SLC8A1: variants seen among roughly 807,000 people sequenced by gnomAD.
SLC8A1 encodes the protein solute carrier family 8 member A1, also known as sodium/calcium exchanger 1.
SLC8A1 carries 18 observed loss-of-function variants against 68.3 expected under a neutral mutation model. The ratio of observed to expected loss-of-function variants is 0.26; its 90% CI spans 0.18 to 0.39. The LOEUF is 0.39. SLC8A1 is among the 10% of genes least tolerant of loss of function. The probability of loss-of-function intolerance (pLI) is 1.00; values close to 1 mark genes in which losing one functional copy is unlikely to be tolerated. For synonymous variants in SLC8A1, 475 were observed against 415.5 expected, an observed-to-expected ratio of 1.14 and a Z score of -1.74; for missense variants, 985 against 1,156.7, an observed-to-expected ratio of 0.85 and a Z score of 2.15.
chr2:40,272,950 G>T (rs911334048), intron 2 of SLC8A1, among the ~76,000 whole-genome samples: 2 of 152,050 alleles, frequency 1.3e-5, no homozygotes, highest in Non-Finnish European at 2.9e-5. Flanking sequence ...ATATTCTTTT[G>T]TTTTGTTTTT....
chr2:40,139,552 C>A, exon 7 of SLC8A1: 1 of 1,614,130 alleles, frequency 6.2e-7, no homozygotes, highest in South Asian at 1.1e-5. Context: ...CCCAGCCATT[C>A]CAGTATTCAG....
intron 7 of SLC8A1, chr2:40,118,397 A>G (rs2035975843): frequency 6.6e-6 from 1 of 152,102 alleles, no homozygotes. Context: ...AGGAGAACAA[A>G]GATTGAAGAA....
intron 2 of SLC8A1, among the ~76,000 whole-genome samples, chr2:40,423,417 T>C (rs1696033192): frequency 6.6e-6 from 1 of 152,116 alleles, no homozygotes; most frequent in African/African-American, 2.4e-5. Flanking sequence ...ATATTTTTTC[T>C]ATTTCTGTTA....
chr2:40,296,397 T>C (rs1374073865), intron 2 of SLC8A1, among the ~76,000 whole-genome samples: 2 of 152,176 alleles, frequency 1.3e-5, no homozygotes, highest in African/African-American at 4.8e-5. Flanking sequence ...AGGCTGCTGC[T>C]TTAGGGCAAA....
chr2:40,374,992 G>A (rs984735546), intron 2 of SLC8A1, among the ~76,000 whole-genome samples: 6 of 152,018 alleles, frequency 3.9e-5, no homozygotes, highest in African/African-American at 1.4e-4. Context: ...GGTAATTCCA[G>A]AGTAATAAAT....
At chr2:40,250,820 A>G (rs920035968) in intron 2 of SLC8A1, 4 of 152,164 alleles carry the variant, frequency 2.6e-5, no homozygotes, top group African/African-American at 7.2e-5. Flanking sequence ...CTTTAGCACA[A>G]TATAGGTGAA....
chr2:40,337,210 A>G, intron 2 of SLC8A1: 1 of 239,346 alleles, frequency 4.2e-6, no homozygotes, highest in Non-Finnish European at 9.4e-6. Flanking sequence ...GAATGGGGGA[A>G]GTAAATACAT....
intron 2 of SLC8A1, 56 bp downstream of exon 3, chr2:40,178,331 G>A (rs992847984): frequency 1.1e-5 from 14 of 1,307,554 alleles, no homozygotes; most frequent in Non-Finnish European, 1.5e-5. Context: ...CAGGCATCCA[G>A]GGGTGGCACA....
chr2:40,294,852 A>G (rs1314533601), intron 2 of SLC8A1, among the ~76,000 whole-genome samples: 1 of 152,210 alleles, frequency 6.6e-6, no homozygotes, highest in East Asian at 1.9e-4. Flanking sequence ...CATGTTATTA[A>G]GGAATTCAAT....
intron 2 of SLC8A1, among the ~76,000 whole-genome samples, chr2:40,291,563 G>C (rs1203336841): frequency 1.3e-5 from 2 of 152,014 alleles, no homozygotes; most frequent in Non-Finnish European, 2.9e-5. Flanking sequence ...GGGGTTTGTG[G>C]AAAGAGGAGT....
At chr2:40,175,918 C>T in intron 3 of SLC8A1, 1 of 399,464 alleles carries the variant, frequency 2.5e-6, no homozygotes, top group Non-Finnish European at 5.0e-6. Flanking sequence ...GCTTAATAGT[C>T]CCAGGAATTA....
intron 2 of SLC8A1, among the ~76,000 whole-genome samples, chr2:40,239,114 C>G (rs1479146990): frequency 1.3e-5 from 2 of 151,844 alleles, no homozygotes; most frequent in Non-Finnish European, 2.9e-5. Flanking sequence ...CAACTAGAAT[C>G]TGACTACATC....
At chr2:40,451,726 C>T (rs1702525149) in intron 1 of SLC8A1, among the ~76,000 whole-genome samples, 178 bp downstream of exon 1, 1 of 144,050 alleles carries the variant, frequency 6.9e-6, no homozygotes, top group Admixed American at 7.1e-5. Flanking sequence ...TGCAGGCGCG[C>T]ACACACCACA....
chr2:40,496,290 T>G (rs1344713444), intron 1 of SLC8A1, among the ~76,000 whole-genome samples: 1 of 152,072 alleles, frequency 6.6e-6, no homozygotes, highest in Non-Finnish European at 1.5e-5. Context: ...CAGATCCAAA[T>G]GGGTGGAGGA....
chr2:40,282,115 A>G (rs190025567), intron 2 of SLC8A1, among the ~76,000 whole-genome samples: 38 of 152,288 alleles, frequency 2.5e-4, no homozygotes, highest in Non-Finnish European at 5.0e-4. Context: ...AAAATAATGA[A>G]ATACAGTAAA....
At chr2:40,295,689 G>A (rs757328460) in intron 2 of SLC8A1, among the ~76,000 whole-genome samples, 2 of 152,120 alleles carry the variant, frequency 1.3e-5, no homozygotes, top group Non-Finnish European at 2.9e-5. Context: ...AAGTATTGAC[G>A]CTGGATTTTA....
chr2:40,183,932 G>C (rs1002667657), intron 2 of SLC8A1, among the ~76,000 whole-genome samples: 5 of 152,116 alleles, frequency 3.3e-5, no homozygotes, highest in Admixed American at 6.5e-5. Context: ...GAGGTGGGAG[G>C]ATAGCTTGAG....
intron 2 of SLC8A1, among the ~76,000 whole-genome samples, chr2:40,305,708 A>G (rs2072448011): frequency 5.9e-5 from 9 of 152,200 alleles, no homozygotes; most frequent in Admixed American, 4.6e-4. Flanking sequence ...AAAGATTAGC[A>G]TCTACTTCAC....
chr2:40,244,565 CAAAAAAAAAA>C (rs70957161), intron 2 of SLC8A1, among the ~76,000 whole-genome samples: 1 of 127,594 alleles, frequency 7.8e-6, no homozygotes, highest in Non-Finnish European at 1.6e-5. Flanking sequence ...TATGAAAAAC[CAAAAAAAAAA>C]AAAAAAAAAA....
Sources: gnomAD v4.1 joint callset for allele counts (sites outside exome capture counted in the v4.1 genomes callset) on GRCh38, gnomAD v4.1.1 for gene constraint, MANE v1.5 for transcripts, NCBI Gene and HGNC (gene_info 2026-07-23, HGNC 2026-07-21) for gene names.